LRP6: variants seen among roughly 807,000 people sequenced by gnomAD.
The protein encoded by LRP6 is low-density lipoprotein receptor-related protein 6.
A neutral mutation model predicts 184.1 loss-of-function variants in LRP6; 43 were observed. The ratio of observed to expected loss-of-function variants is 0.23; its 90% confidence interval spans 0.18 to 0.30. The LOEUF is 0.30. Ranked by LOEUF, LRP6 falls within the 10% of genes least tolerant of loss-of-function variation. The pLI is 1.00. For synonymous variants in LRP6, 719 were observed against 684.9 expected (o/e 1.05, Z -0.78); for missense variants, 1,571 against 2,005.3 (o/e 0.78, Z 4.14).
intron 3 of LRP6, among the ~76,000 whole-genome samples, chr12:12,197,949 G>A (rs1295160835): frequency 6.6e-6 from 1 of 152,206 alleles, no homozygotes; most frequent in Non-Finnish European, 1.5e-5. Flanking sequence ...GAGGCTCAAG[G>A]TGGGAGGATA....
intron 5 of LRP6, 132 bp downstream of exon 5, chr12:12,183,848 T>C: frequency 1.3e-6 from 1 of 751,026 alleles, no homozygotes; most frequent in South Asian, 1.6e-5. Context: ...TCTATAACCA[T>C]GTGTGAAGAC....
At chr12:12,244,197 TG>T in intron 2 of LRP6, 64 bp downstream of exon 2, 1 of 1,490,564 alleles carries the variant, frequency 6.7e-7, no homozygotes. Flanking sequence ...GTCAGGGTGG[TG>T]TATGTCAGTG....
intron 15 of LRP6, among the ~76,000 whole-genome samples, chr12:12,139,516 G>C (rs1949899429): frequency 6.6e-6 from 1 of 152,156 alleles, no homozygotes; most frequent in Admixed American, 6.5e-5. Context: ...GTGAGCCTAG[G>C]AGTTCGACAT....
chr12:12,120,898 T>A lies in LRP6; in HGVS notation c.*228A>T, dbSNP rs1461910767. ...TAAAACTTTTAGTACAAATTTTTTT[T>A]ATACAAACTTTTATGGCACAAGCAG... On this transcript the variant is annotated 3_prime_UTR_variant, in exon 23 of 23. Coordinates refer to ENST00000261349, the MANE Select transcript of LRP6 (RefSeq NM_002336.3). The A allele has an allele frequency of 5.0e-6, 2 of 396,778 alleles. No individual in the cohort carries two copies. The highest frequency in any genetic ancestry group is 7.8e-5 in the East Asian group (2 of 25,738). 24.6% of individuals were successfully genotyped at this position (396,778 alleles called of 1,614,324 possible).
intron 15 of LRP6, among the ~76,000 whole-genome samples, chr12:12,139,286 G>A (rs770987397): frequency 2.0e-5 from 3 of 152,216 alleles, no homozygotes; most frequent in Non-Finnish European, 4.4e-5. Context: ...AAAGAGGCAA[G>A]CAAAATGCCA....
chr12:12,232,058 G>A (rs1384357389), intron 2 of LRP6, among the ~76,000 whole-genome samples: 2 of 151,860 alleles, frequency 1.3e-5, no homozygotes, highest in African/African-American at 2.4e-5. Context: ...TGAGATCTGT[G>A]CAATTTACTG....
intron 2 of LRP6, among the ~76,000 whole-genome samples, chr12:12,232,413 C>T (rs1223107989): frequency 6.6e-6 from 1 of 151,286 alleles, no homozygotes; most frequent in Non-Finnish European, 1.5e-5. Context: ...TAAGTGGTCA[C>T]TGGAAACACT....
In LRP6 at chr12:12,187,075, G is replaced by A; in HGVS notation, c.692C>T (p.Thr231Met). The change falls in exon 4 of 23, where the codon ACG becomes ATG. Residue 231 changes from threonine (T) to methionine (M), a missense_variant. By Grantham distance (81) the Thr-to-Met change is moderately conservative (BLOSUM62 -1). Transcript: ENST00000261349. Reference protein sequence around the residue: ...KGSLPHPFALTLFEDILYWTD... With the variant: ...KGSLPHPFALMLFEDILYWTD... ...CCAGTACAATATGTCCTCAAATAAC[G>A]TCAAGGCAAAAGGATGTGGAAGGGA... The A allele has an allele frequency of 1.2e-6, 2 of 1,614,040 alleles. No homozygotes were observed. Among genetic ancestry groups the A allele is most frequent in the Non-Finnish European group, 1.7e-6 (2 of 1,179,998 alleles).
intron 2 of LRP6, among the ~76,000 whole-genome samples, chr12:12,219,237 C>G (rs2135866170): frequency 6.6e-6 from 1 of 152,332 alleles, no homozygotes; most frequent in Admixed American, 6.5e-5. Flanking sequence ...GACAGTCTCA[C>G]TCTGTCGCCC....
intron 15 of LRP6, among the ~76,000 whole-genome samples, chr12:12,144,951 A>G (rs1036500482): frequency 2.0e-5 from 3 of 152,154 alleles, no homozygotes; most frequent in African/African-American, 7.2e-5. Context: ...ATTAGGAGAA[A>G]TACCTAATGT....
At position 12,205,233 on chromosome 12, in the gene LRP6, C is replaced by T. The variant is rs1247049500; in HGVS notation, c.450-1833G>A. Among the ~76,000 whole-genome samples the T allele has an allele frequency of 2.8e-5, 4 of 145,164 alleles. No homozygotes were observed. The East Asian group carries it at 8.4e-4, about 30-fold the overall frequency. Reference sequence around the variant, plus strand: ...TCAGGAGGCTGAGGCAAGAGAATCGCTTGAATCCAGGAGGCGGATGTTGCC... The same window carrying T: ...TCAGGAGGCTGAGGCAAGAGAATCGTTTGAATCCAGGAGGCGGATGTTGCC... On this transcript the variant is annotated intron_variant, in intron 2 of 22. Transcript: ENST00000261349.
chr12:12,126,540 A>G (rs776482969), intron 20 of LRP6, 151 bp downstream of exon 20: 51 of 690,152 alleles, frequency 7.4e-5, no homozygotes, highest in Non-Finnish European at 1.1e-4. Flanking sequence ...AGAAGGTGCT[A>G]ATAGTAAAAA....
At chr12:12,211,470 A>G (rs1864209198) in intron 2 of LRP6, among the ~76,000 whole-genome samples, 1 of 152,198 alleles carries the variant, frequency 6.6e-6, no homozygotes, top group Non-Finnish European at 1.5e-5. Context: ...ATGGAATTAG[A>G]TAGACATGGT....
chr12:12,183,904 G>A, intron 5 of LRP6, 76 bp downstream of exon 5: 2 of 1,350,128 alleles, frequency 1.5e-6, no homozygotes, highest in South Asian at 2.4e-5. Context: ...AACCTAGAGA[G>A]CTGATTATAG....
At position 12,187,111 on chromosome 12, in the gene LRP6, ACTGC is replaced by A; in HGVS notation, c.652_655del (p.Ala218TrpfsTer12). On this transcript the variant is annotated frameshift_variant, in exon 4 of 23. Coordinates refer to ENST00000261349, the MANE Select transcript of LRP6 (RefSeq NM_002336.3). LOFTEE classifies it high-confidence loss of function. ...AGGATGTGGAAGGGAACCTTTAACC[ACTGC>A]CTGCCTATTAACATAAAGAGAAAAA... The A allele has an allele frequency of 6.2e-7, 1 of 1,614,056 alleles. No individual in the cohort carries two copies. Among genetic ancestry groups the A allele is most frequent in the Non-Finnish European group, 8.5e-7 (1 of 1,179,936 alleles).
chr12:12,258,829 G>T (rs1025885289), intron 1 of LRP6, among the ~76,000 whole-genome samples: 1 of 152,170 alleles, frequency 6.6e-6, no homozygotes, highest in African/African-American at 2.4e-5. Context: ...CCTATCCCTT[G>T]CAGTCCTTTA....
chr12:12,140,185 T>A (rs1949909119), intron 15 of LRP6, among the ~76,000 whole-genome samples: 2 of 146,938 alleles, frequency 1.4e-5, no homozygotes, highest in Non-Finnish European at 1.5e-5. Flanking sequence ...AGAAAACAAA[T>A]AAATACCAAT....
rs1415916518 is a variant in LRP6 at position 12,120,262 on chromosome 12, T to C, written c.*864A>G. 4.0e-5 allele frequency: 6 copies of C among 151,808 alleles called. No homozygotes were observed. The highest frequency in any genetic ancestry group is 3.3e-4 in the Admixed American group (5 of 15,226). 9.4% of individuals were successfully genotyped at this position (151,808 alleles called of 1,614,324 possible). The stretch of plus-strand genomic sequence containing the variant: ...AGTCAAATTGAAGAGCTAAGCCTAC[T>C]GGGGAATGGAGCTAGAAGAAATATT... On this transcript the variant is annotated 3_prime_UTR_variant, in exon 23 of 23. Transcript: ENST00000261349.
chr12:12,181,413 G>C lies in LRP6; in HGVS notation c.1003C>G (p.Arg335Gly). 2.9e-6 allele frequency: 4 copies of C among 1,380,044 alleles called. No homozygotes were observed. The South Asian group carries it at 4.6e-5, about 16-fold the overall frequency. 85.5% of individuals were successfully genotyped at this position (1,380,044 alleles called of 1,614,324 possible). Residue 335 changes from arginine (R) to glycine (G), a missense_variant, in exon 6 of 23, where the codon CGA becomes GGA. Physicochemically the swap from Arg to Gly is moderately radical, Grantham distance 125. Coordinates refer to ENST00000261349, the MANE Select transcript of LRP6 (RefSeq NM_002336.3). ...GAAATGCGTCTCAAGTCTGTCCTTC[G>C]AGCTAAAAGCAATAATTCTGTGGCA... ...DGATELLLLA[R>G]RTDLRRISLD...
Sources: allele counts gnomAD v4.1 joint callset (sites outside exome capture counted in the v4.1 genomes callset), GRCh38; gene constraint gnomAD v4.1.1; transcripts MANE v1.5; gene names NCBI Gene and HGNC (gene_info 2026-07-23, HGNC 2026-07-21).